CBR1: variants seen among roughly 807,000 people sequenced by gnomAD.
CBR1 encodes carbonyl reductase [NADPH] 1.
A neutral mutation model predicts 10.6 loss-of-function variants in CBR1; 11 were observed. That is an observed-to-expected ratio of 1.03 (90% CI 0.65 to 1.71). The LOEUF is 1.71. Among genes scored for constraint, CBR1 ranks in the 40% most tolerant of loss-of-function variants. The probability of loss-of-function intolerance (pLI) is 0.00; values close to 1 mark genes in which losing one functional copy is unlikely to be tolerated. For missense variants in CBR1, 361 were observed against 368.6 expected, an observed-to-expected ratio of 0.98 and a Z score of 0.17; for synonymous variants, 158 against 156.7, an observed-to-expected ratio of 1.01 and a Z score of -0.06.
At position 36,071,721 on chromosome 21, in the gene CBR1, G is replaced by C. The variant is rs147149788; in HGVS notation, c.397+664G>C. ...TTCCTCCTGAATCCGTCTCATTGCA[G>C]CTCTACAGCAGGCCCTCACCTGTCC... is the stretch of plus-strand genomic sequence containing the variant. On this transcript the variant is annotated intron_variant, in intron 2 of 2. Transcript: ENST00000290349. The C allele has an allele frequency of 2.9e-4, 228 of 790,486 alleles. No homozygotes were observed. The African/African-American group carries it at 3.6e-3, about 13-fold the overall frequency. The allele number at this position is 790,486 out of a possible 1,614,324, so 49.0% of individuals were successfully genotyped here.
intron 2 of CBR1, chr21:36,071,262 C>T (rs1275648888): frequency 2.3e-5 from 16 of 693,154 alleles, no homozygotes; most frequent in Non-Finnish European, 4.0e-5. Context: ...TTCGTCCTCC[C>T]TGTCGCACTG....
At chr21:36,070,543 T>A in intron 1 of CBR1, 139 bp downstream of exon 1, 1 of 835,652 alleles carries the variant, frequency 1.2e-6, no homozygotes, top group Non-Finnish European at 1.7e-6. Flanking sequence ...TTGGAGAAAG[T>A]GAGAGTTTTC....
At chr21:36,071,675 C>T (rs1048021437) in intron 2 of CBR1, 10 of 641,330 alleles carry the variant, frequency 1.6e-5, no homozygotes, top group African/African-American at 1.5e-4. Flanking sequence ...TTACTAGGTC[C>T]TAGGAGTTGT....
chr21:36,070,879 T>TTTTG, intron 1 of CBR1, 71 bp from the exon 2 acceptor site: 5 of 903,902 alleles, frequency 5.5e-6, no homozygotes, highest in South Asian at 3.4e-5. Flanking sequence ...TTTTTTTTTT[T>TTTTG]TAGTATCATT....
chr21:36,072,236 C>A (rs1293427714), intron 2 of CBR1: 1 of 1,550,698 alleles, frequency 6.4e-7, no homozygotes, highest in African/African-American at 1.4e-5. Flanking sequence ...CAAATCTCAC[C>A]TGACTCTACT....
chr21:36,070,068 G>A lies in CBR1; in HGVS notation c.-48G>A, dbSNP rs11542168. On this transcript the variant is annotated 5_prime_UTR_variant, in exon 1 of 3. Transcript: ENST00000290349. Reference sequence around the variant, plus strand: ...AACACGCTGCGGGGCTCCCGGGCCTGAGCCAGGTCTGTTCTCCACGCAGGT... The same window carrying A: ...AACACGCTGCGGGGCTCCCGGGCCTAAGCCAGGTCTGTTCTCCACGCAGGT... 2,433 of 1,447,672 alleles carry A rather than the reference G, an allele frequency of 1.7e-3. 22 individuals carry two copies. In the East Asian group the frequency reaches 0.033, roughly 20 times the overall value. The allele number at this position is 1,447,672 out of a possible 1,614,324, so 89.7% of individuals were successfully genotyped here.
chr21:36,070,303 AC>A lies in CBR1; in HGVS notation c.189del (p.Asp63GlufsTer47), dbSNP rs768928349. 34 of 1,613,048 alleles carry A rather than the reference AC, an allele frequency of 2.1e-5. No homozygotes were observed. In the South Asian group the frequency reaches 3.5e-4, roughly 17 times the overall value. ...CTGAGCCCGCGCTTCCACCAGCTGGACATCGACGATCTGCAGAGCATCCGCG... is the reference window on the plus strand; with the variant it reads ...CTGAGCCCGCGCTTCCACCAGCTGGAATCGACGATCTGCAGAGCATCCGCG... ...EGLSPRFHQL[D>X]IDDLQSIRAL... On this transcript the variant is annotated frameshift_variant, in exon 1 of 3. Coordinates refer to ENST00000290349, the MANE Select transcript of CBR1 (RefSeq NM_001757.4). LOFTEE classifies it high-confidence loss of function.
chr21:36,072,698 A>G lies in CBR1; in HGVS notation c.650A>G (p.Lys217Arg), dbSNP rs772480635. ...IHARKLSEQR[K>R]GDKILLNACC... ...GCCAGGAAACTGAGTGAGCAGAGGAAAGGGGACAAGATCCTCCTGAATGCC... is the reference window on the plus strand; with the variant it reads ...GCCAGGAAACTGAGTGAGCAGAGGAGAGGGGACAAGATCCTCCTGAATGCC... Residue 217 changes from lysine (K) to arginine (R), a missense_variant, in exon 3 of 3, where the codon AAA becomes AGA. Transcript: ENST00000290349. 3.1e-6 allele frequency: 5 copies of G among 1,614,132 alleles called. No individual in the cohort carries two copies. The highest frequency in any genetic ancestry group is 4.2e-6 in the Non-Finnish European group (5 of 1,180,020).
In CBR1 at chr21:36,072,853, G is replaced by A. The variant is rs2065364004; in HGVS notation, c.805G>A (p.Val269Ile). ...PDAEGPHGQFVSEKRVEQW is the reference protein window; with the variant it reads ...PDAEGPHGQFISEKRVEQW ...TGCTGAGGGTCCCCATGGACAATTT[G>A]TTTCAGAGAAGAGAGTTGAACAGTG... The change falls in exon 3 of 3, where the codon GTT becomes ATT. Residue 269 changes from valine (V) to isoleucine (I), a missense_variant. By Grantham distance (29) the Val-to-Ile change is conservative (BLOSUM62 3). Transcript: ENST00000290349. The A allele has an allele frequency of 6.2e-7, 1 of 1,613,576 alleles. No homozygotes were observed. The highest frequency in any genetic ancestry group is 8.5e-7 in the Non-Finnish European group (1 of 1,179,854).
At position 36,070,161 on chromosome 21, in the gene CBR1, G is replaced by A. The variant is rs1023456554; in HGVS notation, c.46G>A (p.Gly16Ser). 4.4e-6 allele frequency: 7 copies of A among 1,587,148 alleles called. No individual in the cohort carries two copies. The highest frequency in any genetic ancestry group is 5.1e-6 in the Non-Finnish European group (6 of 1,167,212). The change falls in exon 1 of 3, where the codon GGC becomes AGC. Residue 16 changes from glycine (G) to serine (S), a missense_variant. Coordinates refer to ENST00000290349, the MANE Select transcript of CBR1 (RefSeq NM_001757.4). Reference sequence around the variant, plus strand: ...AGCGCTGGTGACTGGAGGCAACAAGGGCATCGGCTTGGCCATCGTGCGCGA... The same window carrying A: ...AGCGCTGGTGACTGGAGGCAACAAGAGCATCGGCTTGGCCATCGTGCGCGA... ...HVALVTGGNK[G>S]IGLAIVRDLC...
intron 1 of CBR1, 52 bp from the exon 2 acceptor site, chr21:36,070,898 T>A: frequency 3.7e-6 from 4 of 1,078,544 alleles, no homozygotes; most frequent in Non-Finnish European, 5.6e-6. Context: ...TTGTATAGAA[T>A]TTTACCCCAT....
chr21:36,071,284 C>A, intron 2 of CBR1: 1 of 675,114 alleles, frequency 1.5e-6, no homozygotes, highest in Non-Finnish European at 2.7e-6. Flanking sequence ...TCTTTGCACA[C>A]CTGGCTGACT....
chr21:36,071,975 T>C, intron 2 of CBR1: 1 of 1,535,594 alleles, frequency 6.5e-7, no homozygotes, highest in Non-Finnish European at 8.7e-7. Flanking sequence ...TGGACATGAC[T>C]ATCACATGTC....
At chr21:36,072,320 G>A (rs1568957773) in intron 2 of CBR1, 126 bp from the exon 3 acceptor site, 1 of 1,579,362 alleles carries the variant, frequency 6.3e-7, no homozygotes, top group Non-Finnish European at 8.6e-7. Context: ...ATTCCTCTTA[G>A]AACTCATACC....
At position 36,070,029 on chromosome 21, in the gene CBR1, C is replaced by G; in HGVS notation, c.-87C>G. On this transcript the variant is annotated 5_prime_UTR_variant, in exon 1 of 3. Transcript: ENST00000290349. ...GGTGCGCGCCCACGACCGCCAGACT[C>G]GAGCAGTCTCTGGAACACGCTGCGG... The G allele has an allele frequency of 2.2e-6, 3 of 1,386,344 alleles. No individual in the cohort carries two copies. The highest frequency in any genetic ancestry group is 2.8e-6 in the Non-Finnish European group (3 of 1,064,418). 85.9% of individuals were successfully genotyped at this position (1,386,344 alleles called of 1,614,324 possible). A position where few individuals can be genotyped will look rare whatever the true frequency, so the allele number is the denominator to read the frequency against.
In CBR1 at chr21:36,070,806, A is replaced by T. The variant is rs1403531102; in HGVS notation, c.290-144A>T. ...ATCAAACCAGGAGATTGACATTGGC[A>T]CAATACTGTAACCAGATACAGACTT... On this transcript the variant is annotated intron_variant, in intron 1 of 2. Coordinates refer to ENST00000290349, the MANE Select transcript of CBR1 (RefSeq NM_001757.4). The T allele has an allele frequency of 9.7e-6, 6 of 619,824 alleles. No individual in the cohort carries two copies. The East Asian group carries it at 1.6e-4, about 17-fold the overall frequency. The allele number at this position is 619,824 out of a possible 1,614,324, so 38.4% of individuals were successfully genotyped here.
At chr21:36,072,002 T>TG (rs1427248115) in intron 2 of CBR1, 2 of 1,530,602 alleles carry the variant, frequency 1.3e-6, no homozygotes, top group East Asian at 4.9e-5. Context: ...TGTAAACTGC[T>TG]GTGATAGTTA....
chr21:36,071,777 C>A (rs570886906), intron 2 of CBR1: 1 of 1,429,328 alleles, frequency 7.0e-7, no homozygotes, highest in African/African-American at 1.4e-5. Flanking sequence ...TCACAAGGCA[C>A]CTCTGGTCTT....
Position 36,072,535 on chromosome 21 carries a change from ATCACTGAGGAGGAGCTGGTGGGGC to A in CBR1, c.491_514del (p.Thr164_Leu171del), listed in dbSNP as rs1211106187. 1 of 1,602,650 alleles carries A rather than the reference ATCACTGAGGAGGAGCTGGTGGGGC, an allele frequency of 6.2e-7. No individual in the cohort carries two copies. Among genetic ancestry groups the A allele is most frequent in the South Asian group, 1.1e-5 (1 of 89,534 alleles). ...GCAGCAGAAGTTCCGCAGTGAGACCATCACTGAGGAGGAGCTGGTGGGGCTCATGAACAAGTTTGTGGAGGATAC... is the reference window on the plus strand; with the variant it reads ...GCAGCAGAAGTTCCGCAGTGAGACCATCATGAACAAGTTTGTGGAGGATAC... On this transcript the variant is annotated inframe_deletion, in exon 3 of 3. Transcript: ENST00000290349.
Sources: gnomAD v4.1 joint callset for allele counts on GRCh38, gnomAD v4.1.1 for gene constraint, MANE v1.5 for transcripts, NCBI Gene and HGNC (gene_info 2026-07-23, HGNC 2026-07-21) for gene names.